Variants in ESYT2 observed in about 807,000 individuals in gnomAD.
ESYT2 encodes extended synaptotagmin-2.
Under a neutral mutation model 107.2 loss-of-function variants are expected in ESYT2, and 54 were observed. That is an observed-to-expected ratio of 0.50 (90% CI 0.40 to 0.63). The LOEUF (loss-of-function observed/expected upper bound fraction) is 0.63, where lower values mean the gene tolerates loss of function less well. ESYT2 is among the 30% of genes least tolerant of loss of function. The pLI is 0.00. For missense variants in ESYT2, 1,020 were observed against 1,094.5 expected, an observed-to-expected ratio of 0.93 and a Z score of 0.96; for synonymous variants, 491 against 434.1, an observed-to-expected ratio of 1.13 and a Z score of -1.63.
chr7:158,804,903 A>T (rs1462686614), intron 1 of ESYT2, among the ~76,000 whole-genome samples: 1 of 152,184 alleles, frequency 6.6e-6, no homozygotes, highest in African/African-American at 2.4e-5. Context: ...CACTGGAGGG[A>T]AGAGAAGCAC....
chr7:158,798,320 G>T (rs1839532125), intron 2 of ESYT2, among the ~76,000 whole-genome samples: 2 of 152,150 alleles, frequency 1.3e-5, no homozygotes, highest in South Asian at 4.1e-4. Context: ...CACATTTAAA[G>T]ATTTCTAGAA....
intron 18 of ESYT2, among the ~76,000 whole-genome samples, chr7:158,739,874 C>G (rs1212271645): frequency 6.6e-6 from 1 of 152,128 alleles, no homozygotes; most frequent in African/African-American, 2.4e-5. Context: ...GGAACAGATT[C>G]CTTGCGGCAG....
chr7:158,767,529 C>T (rs1587412645), intron 8 of ESYT2, 125 bp downstream of exon 8: 1 of 1,302,390 alleles, frequency 7.7e-7, no homozygotes, highest in East Asian at 2.4e-5. Context: ...GTCAATGCAT[C>T]AAGACCCGTG....
chr7:158,809,706 T>C (rs906235253), intron 1 of ESYT2, among the ~76,000 whole-genome samples: 3 of 152,214 alleles, frequency 2.0e-5, no homozygotes, highest in South Asian at 2.1e-4. Flanking sequence ...CCTTAACACA[T>C]TGTAAGTTTC....
chr7:158,734,047 G>A lies in ESYT2; in HGVS notation c.*160C>T. The A allele has an allele frequency of 1.2e-6, 1 of 859,144 alleles. No individual in the cohort carries two copies. The highest frequency in any genetic ancestry group is 1.8e-6 in the Non-Finnish European group (1 of 569,920). 53.2% of individuals were successfully genotyped at this position (859,144 alleles called of 1,614,324 possible). On this transcript the variant is annotated 3_prime_UTR_variant, in exon 23 of 23. Transcript: ENST00000275418. The stretch of plus-strand genomic sequence containing the variant: ...CACAGAAAATTCAATGATAATATTG[G>A]CCAAATTTGCCTGAAATGTCAACAA...
chr7:158,828,047 CCACA>C (rs200333020), intron 1 of ESYT2, among the ~76,000 whole-genome samples: 1 of 151,780 alleles, frequency 6.6e-6, no homozygotes, highest in South Asian at 2.1e-4. Flanking sequence ...AAACTTCCTG[CCACA>C]CACACACACA....
intron 6 of ESYT2, among the ~76,000 whole-genome samples, chr7:158,781,762 TGA>T (rs1838831803): frequency 6.6e-6 from 1 of 151,436 alleles, no homozygotes; most frequent in South Asian, 2.1e-4. Context: ...GTGAGAGATG[TGA>T]GTGTAAGAAC....
At chr7:158,786,403 G>A (rs1839117593) in intron 6 of ESYT2, among the ~76,000 whole-genome samples, 1 of 151,904 alleles carries the variant, frequency 6.6e-6, no homozygotes, top group African/African-American at 2.4e-5. Flanking sequence ...AAACATAGAG[G>A]ACTTTTAATG....
Position 158,829,320 on chromosome 7 carries a change from C to A in ESYT2, c.99G>T (p.Leu33=). ...ENPGGVLSVE[L]PGLLAQLARS... ...GCGCCAGCTGCGCCAGCAGCCCGGG[C>A]AGCTCCACGCTCAGCACGCCCCCGG... The change falls in exon 1 of 23, where the codon CTG becomes CTT. Residue 33 remains leucine (L), a synonymous_variant. Coordinates refer to ENST00000275418, the MANE Select transcript of ESYT2 (RefSeq NM_001367773.1). The A allele has an allele frequency of 6.7e-7, 1 of 1,492,494 alleles. No homozygotes were observed. Among genetic ancestry groups the A allele is most frequent in the Non-Finnish European group, 8.9e-7 (1 of 1,129,636 alleles). 92.5% of individuals were successfully genotyped at this position (1,492,494 alleles called of 1,614,324 possible). A position where few individuals can be genotyped will look rare whatever the true frequency, so the allele number is the denominator to read the frequency against.
chr7:158,815,551 T>G (rs1442648594), intron 1 of ESYT2, among the ~76,000 whole-genome samples: 1 of 152,172 alleles, frequency 6.6e-6, no homozygotes, highest in Non-Finnish European at 1.5e-5. Flanking sequence ...ACCCCCCTTT[T>G]AAATTGGGAC....
At chr7:158,794,130 A>C (rs1173913914) in intron 3 of ESYT2, among the ~76,000 whole-genome samples, 1 of 152,192 alleles carries the variant, frequency 6.6e-6, no homozygotes, top group Non-Finnish European at 1.5e-5. Flanking sequence ...CCTCTACTCC[A>C]TCCTTACTAC....
intron 8 of ESYT2, among the ~76,000 whole-genome samples, chr7:158,767,001 T>G (rs974103299): frequency 6.6e-6 from 1 of 152,214 alleles, no homozygotes; most frequent in Non-Finnish European, 1.5e-5. Context: ...GAAGGTGACA[T>G]CAGTATCTGC....
At chr7:158,752,679 C>A (rs968940019) in intron 14 of ESYT2, 102 bp downstream of exon 14, 5 of 692,612 alleles carry the variant, frequency 7.2e-6, no homozygotes, top group Non-Finnish European at 1.1e-5. Context: ...TTAATTACTA[C>A]ATAAATATGG....
In ESYT2 at chr7:158,798,058, G is replaced by T. The variant is rs1474124476; in HGVS notation, c.391C>A (p.Pro131Thr). The change falls in exon 3 of 23, where the codon CCT becomes ACT. Residue 131 changes from proline (P) to threonine (T), a missense_variant. Transcript: ENST00000275418. ...WLNKTVKHMW[P>T]FICQFIEKLF... is the part of the protein sequence containing the mutation. ...TTCTCTATAAATTGGCAAATGAAAG[G>T]CCACATGTGTTTTACAGTCTGGAAA... is the stretch of plus-strand genomic sequence containing the variant. 6 of 1,614,072 alleles carry T rather than the reference G, an allele frequency of 3.7e-6. No homozygotes were observed. The Admixed American group carries it at 5.0e-5, about 13-fold the overall frequency.
At chr7:158,821,894 C>T (rs1840295513) in intron 1 of ESYT2, among the ~76,000 whole-genome samples, 1 of 152,192 alleles carries the variant, frequency 6.6e-6, no homozygotes, top group Non-Finnish European at 1.5e-5. Flanking sequence ...AATCTCTTCC[C>T]TAGCATGTCC....
At chr7:158,770,941 G>C (rs1379044218) in intron 7 of ESYT2, among the ~76,000 whole-genome samples, 1 of 152,144 alleles carries the variant, frequency 6.6e-6, no homozygotes, top group Non-Finnish European at 1.5e-5. Flanking sequence ...TTGAGCCCAG[G>C]GGGTTGACAC....
intron 1 of ESYT2, among the ~76,000 whole-genome samples, chr7:158,827,085 C>T (rs1225780708): frequency 6.6e-6 from 1 of 151,216 alleles, no homozygotes; most frequent in East Asian, 1.9e-4. Context: ...ATCTTTTGAA[C>T]CCTGGAGGCG....
chr7:158,781,859 G>A (rs74193845), intron 6 of ESYT2, among the ~76,000 whole-genome samples: 32 of 129,646 alleles, frequency 2.5e-4, no homozygotes, highest in South Asian at 2.4e-3. Flanking sequence ...AAAGTGAGGT[G>A]TAAGTGTAAG....
In ESYT2 at chr7:158,737,187, C is replaced by T; in HGVS notation, c.2268-8G>A. 2 of 1,613,270 alleles carry T rather than the reference C, an allele frequency of 1.2e-6. No individual in the cohort carries two copies. The highest frequency in any genetic ancestry group is 1.7e-4 in the Middle Eastern group (1 of 6,050). On this transcript the variant is annotated splice_polypyrimidine_tract_variant and splice_region_variant and intron_variant, in intron 19 of 22. Coordinates refer to ENST00000275418, the MANE Select transcript of ESYT2 (RefSeq NM_001367773.1). Reference sequence around the variant, plus strand: ...GAGAAGGCAATGAGGTTTCTTACAACACAAACCAGATAAGACGAGGTATTA... The same window carrying T: ...GAGAAGGCAATGAGGTTTCTTACAATACAAACCAGATAAGACGAGGTATTA...
Sources: gnomAD v4.1 joint callset for allele counts (sites outside exome capture counted in the v4.1 genomes callset) on GRCh38, gnomAD v4.1.1 for gene constraint, MANE v1.5 for transcripts, NCBI Gene and HGNC (gene_info 2026-07-23, HGNC 2026-07-21) for gene names.